RBMS3: variants seen among roughly 807,000 people sequenced by gnomAD.
RBMS3 encodes the protein RNA-binding motif, single-stranded-interacting protein 3.
In RBMS3, 27 loss-of-function variants were observed where a neutral mutation model predicts 66.8. That is an observed-to-expected ratio of 0.40 (90% CI 0.30 to 0.56). The LOEUF is 0.56. RBMS3 is among the 20% of genes least tolerant of loss of function. RBMS3 has a pLI of 0.40. For missense variants in RBMS3, 513 were observed against 549.5 expected (o/e 0.93, Z 0.66); for synonymous variants, 188 against 183.0 (o/e 1.03, Z -0.22).
chr3:29,801,272 C>CTTTTTTTTTTTTTTTTTTTT (rs200997680), intron 6 of RBMS3, among the ~76,000 whole-genome samples: 29 of 129,466 alleles, frequency 2.2e-4, no homozygotes, highest in African/African-American at 5.7e-4. Flanking sequence ...TGCTTTTTTT[C>CTTTTTTTTTTTTTTTTTTTT]TTTTTTTTTT....
At chr3:29,575,283 G>A (rs1383389892) in intron 3 of RBMS3, among the ~76,000 whole-genome samples, 1 of 145,602 alleles carries the variant, frequency 6.9e-6, no homozygotes, top group African/African-American at 2.5e-5. Flanking sequence ...AAGGGTAAAA[G>A]TTTTTTTTTT....
At chr3:29,589,573 T>C (rs1576308165) in intron 4 of RBMS3, among the ~76,000 whole-genome samples, 2 of 152,052 alleles carry the variant, frequency 1.3e-5, no homozygotes, top group South Asian at 4.1e-4. Context: ...TATAAGAAAA[T>C]AAATAGGCTC....
intron 1 of RBMS3, among the ~76,000 whole-genome samples, chr3:29,387,151 C>T (rs1214541787): frequency 6.6e-6 from 1 of 152,114 alleles, no homozygotes; most frequent in Non-Finnish European, 1.5e-5. Flanking sequence ...AAATTTGCTT[C>T]TTTAAATATC....
chr3:29,471,790 T>G (rs1404893729), intron 2 of RBMS3, among the ~76,000 whole-genome samples: 2 of 144,168 alleles, frequency 1.4e-5, no homozygotes, highest in Non-Finnish European at 3.0e-5. Flanking sequence ...TTAGACACAA[T>G]AAAATCCAAT....
chr3:29,371,401 C>G (rs1190648233), intron 1 of RBMS3, among the ~76,000 whole-genome samples: 6 of 152,142 alleles, frequency 3.9e-5, no homozygotes, highest in South Asian at 2.1e-4. Flanking sequence ...ATGGTCCAGA[C>G]AAGTTTATGA....
intron 1 of RBMS3, among the ~76,000 whole-genome samples, chr3:29,367,581 T>G (rs11129365): frequency 6.6e-6 from 1 of 151,932 alleles, no homozygotes; most frequent in Non-Finnish European, 1.5e-5. Context: ...TGTTTACAAA[T>G]AAAGCATAAT....
In RBMS3 at chr3:29,726,020, TG is replaced by T. The variant is rs556170700; in HGVS notation, c.400-13698del. Among the ~76,000 whole-genome samples the T allele has an allele frequency of 1.2e-4, 18 of 152,236 alleles. No individual in the cohort carries two copies. In the East Asian group the frequency reaches 3.5e-3, roughly 29 times the overall value. ...AAAAGCTTATCCACCACAATCAAGT[TG>T]GCTTCATCCCAGGGATGCAAGGCTG... On this transcript the variant is annotated intron_variant, in intron 4 of 14. Transcript: ENST00000383767.
intron 6 of RBMS3, among the ~76,000 whole-genome samples, chr3:29,797,439 A>G (rs2057240058): frequency 6.6e-6 from 1 of 152,172 alleles, no homozygotes; most frequent in Admixed American, 6.5e-5. Flanking sequence ...AGCTAGTTTG[A>G]TCTTCTATCC....
chr3:29,475,232 A>C (rs886492114), intron 2 of RBMS3, among the ~76,000 whole-genome samples: 4 of 151,904 alleles, frequency 2.6e-5, no homozygotes, highest in Non-Finnish European at 5.9e-5. Context: ...GATTGGCTTT[A>C]ATAAGTTTCT....
At chr3:29,617,226 C>A (rs2048703360) in intron 4 of RBMS3, among the ~76,000 whole-genome samples, 1 of 152,152 alleles carries the variant, frequency 6.6e-6, no homozygotes, top group African/African-American at 2.4e-5. Flanking sequence ...GGTTTTAATA[C>A]CAGCTCCAAA....
At chr3:29,374,434 AC>A (rs980847630) in intron 1 of RBMS3, among the ~76,000 whole-genome samples, 3 of 152,204 alleles carry the variant, frequency 2.0e-5, no homozygotes, top group African/African-American at 7.2e-5. Context: ...ATAGTATGTA[AC>A]TTAGTGATGG....
rs537770224 is a variant in RBMS3 at position 29,476,301 on chromosome 3, A to G, written c.249-12140A>G. On this transcript the variant is annotated intron_variant, in intron 2 of 14. Coordinates refer to ENST00000383767, the MANE Select transcript of RBMS3 (RefSeq NM_001003793.3). ...GAACTATTGTTTTTGAGTATCTACT[A>G]TAAGCCTATTATTGAGCTAGAAGAC... Among the ~76,000 whole-genome samples the G allele has an allele frequency of 2.0e-3, 304 of 152,352 alleles. 15 individuals are homozygous for G. In the South Asian group the frequency reaches 0.061, roughly 30 times the overall value.
chr3:29,517,457 G>A (rs1159409595), intron 3 of RBMS3, among the ~76,000 whole-genome samples: 1 of 151,828 alleles, frequency 6.6e-6, no homozygotes, highest in Non-Finnish European at 1.5e-5. Context: ...CTAGTATTCA[G>A]GACTACAGGT....
At chr3:29,514,502 A>G (rs910785420) in intron 3 of RBMS3, among the ~76,000 whole-genome samples, 17 of 151,834 alleles carry the variant, frequency 1.1e-4, no homozygotes, top group African/African-American at 3.9e-4. Flanking sequence ...GAGTTGCTCA[A>G]TCTAATGTGA....
intron 1 of RBMS3, among the ~76,000 whole-genome samples, chr3:29,372,307 T>A (rs989908766): frequency 6.6e-6 from 1 of 151,990 alleles, no homozygotes; most frequent in African/African-American, 2.4e-5. Context: ...CCAGCCTGGG[T>A]GACAGAGCAA....
At chr3:29,721,607 A>C (rs535714639) in intron 4 of RBMS3, among the ~76,000 whole-genome samples, 1 of 152,294 alleles carries the variant, frequency 6.6e-6, no homozygotes, top group Non-Finnish European at 1.5e-5. Flanking sequence ...GGGTCTATCC[A>C]TTTCTCTAAG....
At chr3:29,592,133 A>G (rs2047760538) in intron 4 of RBMS3, among the ~76,000 whole-genome samples, 1 of 152,066 alleles carries the variant, frequency 6.6e-6, no homozygotes, top group Non-Finnish European at 1.5e-5. Context: ...TTGACATATA[A>G]AAAGATGAAA....
At chr3:29,585,945 A>G (rs542351536) in intron 3 of RBMS3, among the ~76,000 whole-genome samples, 115 of 152,224 alleles carry the variant, frequency 7.6e-4, no homozygotes, top group African/African-American at 2.6e-3. Context: ...AGGGGAAAAA[A>G]TTAAAAAGTT....
intron 12 of RBMS3, among the ~76,000 whole-genome samples, chr3:29,970,015 A>G (rs1048071901): frequency 6.6e-6 from 1 of 152,130 alleles, no homozygotes; most frequent in African/African-American, 2.4e-5. Context: ...ACATATTTTT[A>G]TTTTCTATAA....
Sources: allele counts gnomAD v4.1 joint callset (sites outside exome capture counted in the v4.1 genomes callset), GRCh38; gene constraint gnomAD v4.1.1; transcripts MANE v1.5; gene names NCBI Gene and HGNC (gene_info 2026-07-23, HGNC 2026-07-21).